Variants in RUNX1T1 observed in about 807,000 individuals in gnomAD.
The protein encoded by RUNX1T1 is protein CBFA2T1.
Under a neutral mutation model 62.8 loss-of-function variants are expected in RUNX1T1, and 4 were observed. The observed-to-expected ratio is 0.06, with a 90% CI of 0.03 to 0.15. RUNX1T1 has a LOEUF of 0.15. Ranked by LOEUF, RUNX1T1 falls within the 10% of genes least tolerant of loss-of-function variation. The probability of loss-of-function intolerance (pLI) is 1.00; values close to 1 mark genes in which losing one functional copy is unlikely to be tolerated. For missense variants in RUNX1T1, 508 were observed against 754.3 expected (o/e 0.67, Z 3.82); for synonymous variants, 291 against 286.0 (o/e 1.02, Z -0.18).
At chr8:92,020,748 T>G (rs1286555976) in intron 1 of RUNX1T1, among the ~76,000 whole-genome samples, 15 of 151,898 alleles carry the variant, frequency 9.9e-5, no homozygotes, top group Admixed American at 9.8e-4. Flanking sequence ...ATGTGGCATA[T>G]ATTAATACAT....
At chr8:91,971,021 C>T in intron 9 of RUNX1T1, 173 bp from the exon 11 acceptor site, 1 of 478,050 alleles carries the variant, frequency 2.1e-6, no homozygotes, top group Non-Finnish European at 3.6e-6. Flanking sequence ...ATTACAGGAG[C>T]CTTCCAGCCA....
At chr8:92,072,389 T>A (rs1833820013) in intron 2 of RUNX1T1, among the ~76,000 whole-genome samples, 2 of 152,198 alleles carry the variant, frequency 1.3e-5, no homozygotes, top group South Asian at 4.1e-4. Flanking sequence ...GTCACCAAAC[T>A]CAGGAATATC....
At chr8:92,032,053 AC>A (rs1826337820) in intron 1 of RUNX1T1, among the ~76,000 whole-genome samples, 1 of 139,418 alleles carries the variant, frequency 7.2e-6, no homozygotes, top group Admixed American at 8.2e-5. Flanking sequence ...AGATTGCACC[AC>A]TGCACTCCAG....
intron 2 of RUNX1T1, among the ~76,000 whole-genome samples, chr8:92,072,521 T>C (rs556782890): frequency 3.3e-5 from 5 of 152,224 alleles, no homozygotes; most frequent in African/African-American, 9.6e-5. Flanking sequence ...CAGTAAAATA[T>C]TGGCTGAAAG....
chr8:92,034,440 G>A (rs544945525), intron 1 of RUNX1T1, among the ~76,000 whole-genome samples: 4 of 152,132 alleles, frequency 2.6e-5, no homozygotes, highest in Admixed American at 6.5e-5. Context: ...CTCTGGAAGG[G>A]CTCCCAAAGA....
At chr8:91,993,263 A>G (rs1427109275) in intron 5 of RUNX1T1, among the ~76,000 whole-genome samples, 1 of 152,156 alleles carries the variant, frequency 6.6e-6, no homozygotes, top group African/African-American at 2.4e-5. Flanking sequence ...AACAACAGAG[A>G]TAATCAGGGG....
chr8:92,023,523 C>T (rs1245263370), intron 1 of RUNX1T1, among the ~76,000 whole-genome samples: 1 of 152,136 alleles, frequency 6.6e-6, no homozygotes, highest in Non-Finnish European at 1.5e-5. Context: ...TTAATGTCTA[C>T]CTCCTCTTTT....
chr8:92,029,455 C>T (rs1233280085), intron 1 of RUNX1T1, among the ~76,000 whole-genome samples: 2 of 152,160 alleles, frequency 1.3e-5, no homozygotes, highest in Non-Finnish European at 2.9e-5. Flanking sequence ...CAAGTTAACA[C>T]AGCTCAGTAA....
chr8:92,016,119 T>C (rs1470874660), intron 2 of RUNX1T1, among the ~76,000 whole-genome samples: 1 of 152,236 alleles, frequency 6.6e-6, no homozygotes, highest in African/African-American at 2.4e-5. Flanking sequence ...GCACATGGTG[T>C]GCAAAATAGC....
At chr8:92,084,430 A>G (rs528657801) in intron 1 of RUNX1T1, among the ~76,000 whole-genome samples, 7 of 152,254 alleles carry the variant, frequency 4.6e-5, no homozygotes, top group Admixed American at 4.6e-4. Flanking sequence ...CAAGGTGGAA[A>G]GAGGTTGAGA....
chr8:92,029,042 G>A (rs1825767336), intron 1 of RUNX1T1, among the ~76,000 whole-genome samples: 1 of 152,218 alleles, frequency 6.6e-6, no homozygotes, highest in South Asian at 2.1e-4. Context: ...ACTCAGTAGA[G>A]TCAGTTATGA....
In RUNX1T1 at chr8:92,091,814, T is replaced by C. The variant is rs573360531; in HGVS notation, c.-86+7766A>G. Among the ~76,000 whole-genome samples the C allele has an allele frequency of 6.6e-5, 10 of 152,366 alleles. No individual in the cohort carries two copies. The South Asian group carries it at 2.1e-3, about 32-fold the overall frequency. The stretch of plus-strand genomic sequence containing the variant: ...ATACTTCTTTGGTTGGTTCCATACA[T>C]GTAATCGCAAATACTCACATTCAAC... On this transcript the variant is annotated intron_variant, in intron 1 of 11. Coordinates refer to the RUNX1T1 transcript ENST00000265814.
chr8:91,989,053 A>G (rs747555302), intron 6 of RUNX1T1, among the ~76,000 whole-genome samples: 1 of 152,122 alleles, frequency 6.6e-6, no homozygotes, highest in Non-Finnish European at 1.5e-5. Context: ...AATAGCTCAT[A>G]ATCACATTTT....
chr8:91,992,502 A>G (rs1221708202), intron 5 of RUNX1T1, among the ~76,000 whole-genome samples: 1 of 152,218 alleles, frequency 6.6e-6, no homozygotes, highest in Non-Finnish European at 1.5e-5. Context: ...TGGCTTCAGT[A>G]GTGGACTGCA....
At chr8:92,010,570 C>T (rs1478837095) in intron 4 of RUNX1T1, 1 of 154,630 alleles carries the variant, frequency 6.5e-6, no homozygotes, top group Non-Finnish European at 1.4e-5. Flanking sequence ...TTGGACATGT[C>T]ACTTACTCCC....
intron 1 of RUNX1T1, among the ~76,000 whole-genome samples, chr8:92,030,439 T>C (rs989803387): frequency 1.3e-5 from 2 of 152,182 alleles, no homozygotes; most frequent in African/African-American, 2.4e-5. Context: ...TTTAAAAATA[T>C]AGATTTGAAG....
intron 1 of RUNX1T1, among the ~76,000 whole-genome samples, chr8:92,088,294 A>G (rs1304135953): frequency 1.3e-5 from 2 of 152,218 alleles, no homozygotes; most frequent in Non-Finnish European, 2.9e-5. Context: ...CACTGTGTAC[A>G]TAACATATGC....
upstream of RUNX1T1, among the ~76,000 whole-genome samples, chr8:92,067,658 G>A (rs1267607552): frequency 1.3e-5 from 2 of 152,108 alleles, no homozygotes; most frequent in Admixed American, 6.5e-5. Flanking sequence ...TCTGGTTGAA[G>A]TACAATGTCC....
chr8:92,059,850 A>C (rs1831621829), intron 1 of RUNX1T1, among the ~76,000 whole-genome samples: 1 of 152,178 alleles, frequency 6.6e-6, no homozygotes, highest in South Asian at 2.1e-4. Context: ...GAACTTAAAA[A>C]AAAGTTCCAG....
Sources: gnomAD v4.1 joint callset for allele counts (sites outside exome capture counted in the v4.1 genomes callset) on GRCh38, gnomAD v4.1.1 for gene constraint, MANE v1.5 for transcripts, NCBI Gene and HGNC (gene_info 2026-07-23, HGNC 2026-07-21) for gene names.